Variants in DLGAP2 observed in about 807,000 individuals in gnomAD.
DLGAP2 encodes the protein DLG associated protein 2.
Under a neutral mutation model 100.3 loss-of-function variants are expected in DLGAP2, and 26 were observed. The observed-to-expected ratio is 0.26, with a 90% CI of 0.19 to 0.36. The LOEUF is 0.36. Ranked by LOEUF, DLGAP2 falls within the 10% of genes least tolerant of loss-of-function variation. The pLI, the probability that DLGAP2 is intolerant of heterozygous loss-of-function variation, is 1.00. For synonymous variants in DLGAP2, 886 were observed against 630.1 expected (o/e 1.41, Z -6.08); for missense variants, 1,858 against 1,453.2 (o/e 1.28, Z -4.53).
intron 2 of DLGAP2, among the ~76,000 whole-genome samples, chr8:956,410 C>G (rs1421884029): frequency 1.3e-5 from 2 of 152,126 alleles, no homozygotes; most frequent in Non-Finnish European, 2.9e-5. Context: ...GTGGGGGTGG[C>G]TGGAGATCAC....
intron 1 of DLGAP2, among the ~76,000 whole-genome samples, chr8:852,841 A>C (rs1334704634): frequency 6.6e-6 from 1 of 152,228 alleles, no homozygotes; most frequent in Admixed American, 6.5e-5. Flanking sequence ...GTTGCTTCAC[A>C]AAAGGACCTC....
At chr8:1,225,896 G>C (rs553078411) in intron 2 of DLGAP2, among the ~76,000 whole-genome samples, 2 of 152,252 alleles carry the variant, frequency 1.3e-5, no homozygotes, top group African/African-American at 2.4e-5. Context: ...ATTCCGTAAT[G>C]TATGCATATA....
At chr8:881,792 C>A (rs1428389482) in intron 1 of DLGAP2, among the ~76,000 whole-genome samples, 1 of 151,672 alleles carries the variant, frequency 6.6e-6, no homozygotes, top group Non-Finnish European at 1.5e-5. Flanking sequence ...GCTGGGATTA[C>A]AGGTGTGAGC....
intron 2 of DLGAP2, among the ~76,000 whole-genome samples, chr8:1,219,997 C>G (rs1047773831): frequency 6.6e-6 from 1 of 151,714 alleles, no homozygotes; most frequent in Non-Finnish European, 1.5e-5. Flanking sequence ...TTTGGATCTT[C>G]TCTCTGTTTA....
chr8:1,184,755 A>C (rs1425722820), intron 2 of DLGAP2, among the ~76,000 whole-genome samples: 2 of 152,140 alleles, frequency 1.3e-5, no homozygotes, highest in African/African-American at 4.8e-5. Context: ...ACCGGGAGGC[A>C]AGCATGCTGG....
chr8:1,046,565 C>CT (rs1205036875), intron 2 of DLGAP2, among the ~76,000 whole-genome samples: 2 of 152,154 alleles, frequency 1.3e-5, no homozygotes, highest in African/African-American at 4.8e-5. Flanking sequence ...GTGTTTGAGG[C>CT]TTTTTCACCT....
chr8:777,607 G>T (rs1420663647), intron 1 of DLGAP2, among the ~76,000 whole-genome samples: 44 of 152,016 alleles, frequency 2.9e-4, no homozygotes, highest in African/African-American at 7.0e-4. Context: ...CCTTCACTTA[G>T]GAAGCTTAGT....
intron 12 of DLGAP2, among the ~76,000 whole-genome samples, chr8:1,683,810 C>G (rs1799022512): frequency 1.7e-5 from 2 of 121,042 alleles, no homozygotes; most frequent in East Asian, 2.4e-4. Flanking sequence ...TGAAATGATC[C>G]TGATTTTCCT....
intron 3 of DLGAP2, among the ~76,000 whole-genome samples, chr8:1,378,782 G>A (rs958484621): frequency 2.6e-5 from 4 of 152,196 alleles, no homozygotes; most frequent in African/African-American, 9.7e-5. Context: ...TCCTTATGCA[G>A]TTTCTGGCGT....
intron 2 of DLGAP2, among the ~76,000 whole-genome samples, chr8:933,224 T>C (rs905421): frequency 0.63 from 96,181 of 152,194 alleles, 30,650 homozygotes; most frequent in Admixed American, 0.7. Flanking sequence ...TTGCCACATC[T>C]GCTGCTTCCT....
chr8:1,123,822 C>G (rs543782643), intron 2 of DLGAP2, among the ~76,000 whole-genome samples: 1 of 152,062 alleles, frequency 6.6e-6, no homozygotes, highest in East Asian at 1.9e-4. Context: ...TTAATAATGT[C>G]AAGGATTAAC....
At chr8:1,464,569 C>T (rs562525394) in intron 3 of DLGAP2, among the ~76,000 whole-genome samples, 4 of 151,744 alleles carry the variant, frequency 2.6e-5, no homozygotes, top group East Asian at 2.0e-4. Context: ...CCTTCCAGGA[C>T]GGCTCTCTTC....
intron 10 of DLGAP2, among the ~76,000 whole-genome samples, chr8:1,672,879 A>T (rs1798725613): frequency 6.6e-6 from 1 of 152,106 alleles, no homozygotes; most frequent in South Asian, 2.1e-4. Flanking sequence ...GGAAGAGCGG[A>T]AAATGAGCTT....
intron 13 of DLGAP2, among the ~76,000 whole-genome samples, chr8:1,694,485 G>T (rs562930302): frequency 6.6e-6 from 1 of 152,332 alleles, no homozygotes; most frequent in East Asian, 1.9e-4. Flanking sequence ...TCAGGGTCGG[G>T]ATGTGCAGGT....
At chr8:1,673,888 C>G (rs1448646919) in intron 10 of DLGAP2, among the ~76,000 whole-genome samples, 1 of 152,098 alleles carries the variant, frequency 6.6e-6, no homozygotes, top group Non-Finnish European at 1.5e-5. Context: ...GGAAAACTTC[C>G]TTTTACTTTT....
rs532539647 is a variant in DLGAP2, at chr8:1,576,261, G to A, written c.1442+10367G>A. ...TCATGTGTCTGTTGGCTGCATAAATGTCTTCTTTTGAGAAGTGTCTGTTCA... is the reference window on the plus strand; with the variant it reads ...TCATGTGTCTGTTGGCTGCATAAATATCTTCTTTTGAGAAGTGTCTGTTCA... On this transcript the variant is annotated intron_variant, in intron 6 of 14. Transcript: ENST00000637795. 6.6e-5 allele frequency among the ~76,000 whole-genome samples: 10 copies of A among 152,318 alleles called. No individual in the cohort carries two copies. In the East Asian group the frequency reaches 1.9e-3, roughly 29 times the overall value.
chr8:1,668,778 C>A, intron 9 of DLGAP2, 100 bp downstream of exon 9: 1 of 1,087,772 alleles, frequency 9.2e-7, no homozygotes, highest in Non-Finnish European at 1.3e-6. Flanking sequence ...GTCCTTAGCA[C>A]TGACTGTAAC....
At chr8:1,319,589 G>C (rs757932924) in intron 3 of DLGAP2, among the ~76,000 whole-genome samples, 1 of 152,222 alleles carries the variant, frequency 6.6e-6, no homozygotes, top group Non-Finnish European at 1.5e-5. Flanking sequence ...CTCCTAGGAA[G>C]GTAGGCTTGC....
chr8:848,274 T>C lies in DLGAP2; in HGVS notation c.19-59638T>C, dbSNP rs115731217. Among the ~76,000 whole-genome samples the C allele has an allele frequency of 3.7e-3, 563 of 151,662 alleles. 2 individuals are homozygous for C. The highest frequency in any genetic ancestry group is 0.012 in the African/African-American group (511 of 41,096). ...AGTAGTATTCCAGTATAGGATCGTG[T>C]GGTGTGTGTTCCAATATAGAAACGT... is the stretch of plus-strand genomic sequence containing the variant. On this transcript the variant is annotated intron_variant, in intron 1 of 14. Coordinates refer to ENST00000637795, the MANE Select transcript of DLGAP2 (RefSeq NM_001346810.2).
Sources: gnomAD v4.1 joint callset for allele counts (sites outside exome capture counted in the v4.1 genomes callset) on GRCh38, gnomAD v4.1.1 for gene constraint, MANE v1.5 for transcripts, NCBI Gene and HGNC (gene_info 2026-07-23, HGNC 2026-07-21) for gene names.